Variants in KRABD5 observed in about 807,000 individuals in gnomAD.
KRABD5 encodes the protein KRAB domain-containing protein 5.
At chr16:31,747,593 T>A in the KRABD5 span, among the ~76,000 whole-genome samples, 5 of 152,222 alleles carry the variant, frequency 3.3e-5, no homozygotes, top group Non-Finnish European at 5.9e-5. Context: ...TGAACTAGTT[T>A]ACAGTCCCAC....
chr16:31,714,279 G>A, the KRABD5 span: 1 of 435,892 alleles, frequency 2.3e-6, no homozygotes, highest in Non-Finnish European at 4.6e-6. Context: ...CTTACCTGTT[G>A]AAGTATAAAG....
the KRABD5 span, among the ~76,000 whole-genome samples, chr16:31,729,852 A>G: frequency 1.3e-5 from 2 of 152,002 alleles, no homozygotes; most frequent in Admixed American, 6.6e-5. Context: ...AAAACATCAT[A>G]TAACAGCCTA....
At chr16:31,724,013 T>C in the KRABD5 span, among the ~76,000 whole-genome samples, 13 of 152,330 alleles carry the variant, frequency 8.5e-5, no homozygotes, top group African/African-American at 3.1e-4. Flanking sequence ...TTTAAAATCA[T>C]TTAATATATT....
the KRABD5 span, chr16:31,722,725 G>A: frequency 6.2e-7 from 1 of 1,609,534 alleles, no homozygotes; most frequent in Non-Finnish European, 8.5e-7. Context: ...TGTGATGTTA[G>A]AGAACTACGG....
chr16:31,753,472 C>T, the KRABD5 span, among the ~76,000 whole-genome samples: 19 of 152,238 alleles, frequency 1.2e-4, no homozygotes, highest in East Asian at 7.7e-4. Context: ...AAACAGAATG[C>T]GAAAAATTTT....
At chr16:31,736,000 C>T in the KRABD5 span, among the ~76,000 whole-genome samples, 2 of 151,950 alleles carry the variant, frequency 1.3e-5, no homozygotes. Context: ...AAGTATTTGC[C>T]CTGTTTTCAT....
chr16:31,739,820 G>C, the KRABD5 span, among the ~76,000 whole-genome samples: 1 of 152,156 alleles, frequency 6.6e-6, no homozygotes, highest in Admixed American at 6.5e-5. Flanking sequence ...TGGGTTTACC[G>C]GAATGAGGGC....
the KRABD5 span, among the ~76,000 whole-genome samples, chr16:31,727,266 A>G: frequency 6.6e-6 from 1 of 152,156 alleles, no homozygotes; most frequent in Non-Finnish European, 1.5e-5. Flanking sequence ...AGTGCCTTTT[A>G]TTTCTTTTTT....
the KRABD5 span, among the ~76,000 whole-genome samples, chr16:31,752,412 T>C: frequency 2.0e-5 from 3 of 152,320 alleles, no homozygotes; most frequent in Admixed American, 2.0e-4. Flanking sequence ...CTAATTCTTT[T>C]CTCAGGACTA....
chr16:31,733,213 T>A, the KRABD5 span, among the ~76,000 whole-genome samples: 1 of 152,188 alleles, frequency 6.6e-6, no homozygotes, highest in African/African-American at 2.4e-5. Flanking sequence ...ATGACTTATC[T>A]TGTATATTTT....
chr16:31,735,527 A>T, the KRABD5 span, among the ~76,000 whole-genome samples: 1 of 152,178 alleles, frequency 6.6e-6, no homozygotes, highest in Non-Finnish European at 1.5e-5. Flanking sequence ...AATCCCATCA[A>T]CAGTATATAT....
the KRABD5 span, chr16:31,757,887 T>C: frequency 6.6e-6 from 1 of 151,618 alleles, no homozygotes; most frequent in Non-Finnish European, 1.5e-5. Context: ...GATAGATAGA[T>C]AGATAGATGA....
At chr16:31,728,689 A>C in the KRABD5 span, among the ~76,000 whole-genome samples, 1 of 152,206 alleles carries the variant, frequency 6.6e-6, no homozygotes, top group Non-Finnish European at 1.5e-5. Context: ...ACATTTGAAA[A>C]GACTTACTGC....
chr16:31,737,728 T>C, the KRABD5 span, among the ~76,000 whole-genome samples: 9 of 152,172 alleles, frequency 5.9e-5, no homozygotes, highest in African/African-American at 9.6e-5. Flanking sequence ...TAGTATATTT[T>C]GAAATCAGAA....
the KRABD5 span, among the ~76,000 whole-genome samples, chr16:31,741,551 AT>A: frequency 6.6e-6 from 1 of 151,892 alleles, no homozygotes. Flanking sequence ...CATTTTTCTG[AT>A]GGGTAGTGAT....
chr16:31,754,551 G>A, the KRABD5 span: 8 of 535,986 alleles, frequency 1.5e-5, 1 homozygote, highest in Admixed American at 8.9e-5. Flanking sequence ...CATTGCAAAC[G>A]TAAAAAATGT....
chr16:31,732,733 TAAAG>T, the KRABD5 span, among the ~76,000 whole-genome samples: 1 of 152,150 alleles, frequency 6.6e-6, no homozygotes, highest in Non-Finnish European at 1.5e-5. Flanking sequence ...GATAACATGA[TAAAG>T]AAGTCTTCCT....
At chr16:31,748,858 C>T in the KRABD5 span, among the ~76,000 whole-genome samples, 16 of 152,068 alleles carry the variant, frequency 1.1e-4, no homozygotes, top group African/African-American at 2.2e-4. Flanking sequence ...CTCTGAACTC[C>T]GGGGGGCACC....
chr16:31,734,939 G>A, the KRABD5 span, among the ~76,000 whole-genome samples: 2 of 151,772 alleles, frequency 1.3e-5, no homozygotes, highest in African/African-American at 4.8e-5. Flanking sequence ...AGTAGAGACG[G>A]GGTTTCAACA....
Sources: allele counts gnomAD v4.1 joint callset (sites outside exome capture counted in the v4.1 genomes callset), GRCh38; gene constraint gnomAD v4.1.1; transcripts MANE v1.5; gene names NCBI Gene and HGNC (gene_info 2026-07-23, HGNC 2026-07-21).